WWC2: variants seen among roughly 807,000 people sequenced by gnomAD.
WWC2 encodes the protein WW and C2 domain containing 2.
In WWC2, 101 loss-of-function variants were observed where a neutral mutation model predicts 138.5. That is an observed-to-expected ratio of 0.73 (90% CI 0.62 to 0.86). WWC2 has a LOEUF of 0.86. WWC2 is among the 40% of genes least tolerant of loss of function. WWC2 has a pLI of 0.00. For missense variants in WWC2, 1,420 were observed against 1,419.4 expected (o/e 1.00, Z -0.01); for synonymous variants, 558 against 538.4 (o/e 1.04, Z -0.50).
At chr4:183,117,616 T>C (rs548840429) in intron 1 of WWC2, among the ~76,000 whole-genome samples, 1 of 151,952 alleles carries the variant, frequency 6.6e-6, no homozygotes, top group East Asian at 1.9e-4. Flanking sequence ...ACATGTAAAT[T>C]ACAAAGCTTT....
intron 21 of WWC2, among the ~76,000 whole-genome samples, chr4:183,290,892 C>G (rs1340361328): frequency 6.6e-6 from 1 of 152,156 alleles, no homozygotes; most frequent in Non-Finnish European, 1.5e-5. Flanking sequence ...TGTGAATCGT[C>G]CAGCTGACTG....
At chr4:183,153,591 T>C (rs1320473409) in intron 1 of WWC2, among the ~76,000 whole-genome samples, 1 of 151,966 alleles carries the variant, frequency 6.6e-6, no homozygotes, top group Non-Finnish European at 1.5e-5. Context: ...TGTGTTATTT[T>C]AACTAATAAT....
intron 1 of WWC2, among the ~76,000 whole-genome samples, chr4:183,186,867 G>A (rs997286229): frequency 6.6e-6 from 1 of 152,184 alleles, no homozygotes; most frequent in Admixed American, 6.5e-5. Context: ...CCAGACCTAG[G>A]ACCAACAGAG....
intron 1 of WWC2, among the ~76,000 whole-genome samples, chr4:183,130,235 G>A (rs899822137): frequency 6.6e-6 from 1 of 152,010 alleles, no homozygotes; most frequent in Non-Finnish European, 1.5e-5. Flanking sequence ...TGTATTTTTA[G>A]TAGAGACGGG....
chr4:183,284,408 G>C lies in WWC2; in HGVS notation c.3048+18G>C, dbSNP rs556892402. On this transcript the variant is annotated intron_variant, in intron 19 of 22. Transcript: ENST00000403733. ...TCTGCAGGGTAAGGTGGCAGTGCTC[G>C]TGGTGAGGCGCTGGGACTGCAGCTT... 1 of 1,606,712 alleles carries C rather than the reference G, an allele frequency of 6.2e-7. No homozygotes were observed. The highest frequency in any genetic ancestry group is 1.7e-5 in the Admixed American group (1 of 59,976).
chr4:183,125,927 G>C (rs1383967690), intron 1 of WWC2, among the ~76,000 whole-genome samples: 1 of 152,186 alleles, frequency 6.6e-6, no homozygotes, highest in Non-Finnish European at 1.5e-5. Flanking sequence ...TCCACGGCTG[G>C]ACTAGGGTGA....
chr4:183,163,892 T>G lies in WWC2; in HGVS notation c.132-29707T>G, dbSNP rs375945197. The stretch of plus-strand genomic sequence containing the variant: ...GAATCATCAAATAAGGTGGCAAGAT[T>G]AATGGGAGTGGCTAGCTTTAATGTT... On this transcript the variant is annotated intron_variant, in intron 1 of 22. Coordinates refer to ENST00000403733, the MANE Select transcript of WWC2 (RefSeq NM_024949.6). Among the ~76,000 whole-genome samples, 9 of 152,214 alleles carry G rather than the reference T, an allele frequency of 5.9e-5. No homozygotes were observed. The East Asian group carries it at 1.4e-3, about 23-fold the overall frequency.
chr4:183,289,715 C>T, intron 21 of WWC2, 80 bp downstream of exon 21: 1 of 1,545,944 alleles, frequency 6.5e-7, no homozygotes, highest in Non-Finnish European at 8.7e-7. Context: ...ACCCAACTTA[C>T]ACTTCTGTTT....
At chr4:183,182,918 G>A (rs555883560) in intron 1 of WWC2, among the ~76,000 whole-genome samples, 85 of 152,328 alleles carry the variant, frequency 5.6e-4, no homozygotes, top group African/African-American at 2.0e-3. Flanking sequence ...TCATGATGTA[G>A]TTGACGTTTT....
intron 21 of WWC2, among the ~76,000 whole-genome samples, chr4:183,295,155 A>G (rs1195665333): frequency 6.6e-6 from 1 of 152,174 alleles, no homozygotes; most frequent in Non-Finnish European, 1.5e-5. Flanking sequence ...CACACCTCCT[A>G]ATGAAATCCT....
chr4:183,203,177 C>CT lies in WWC2; in HGVS notation c.242-4761dup, dbSNP rs35722099. On this transcript the variant is annotated intron_variant, in intron 2 of 22. Transcript: ENST00000403733. Reference sequence around the variant, plus strand: ...CTCAGGACTCAAAATAATTCATTTGCTTTTTTTTTTTTTTTAAACTTTCAT... The same window carrying CT: ...CTCAGGACTCAAAATAATTCATTTGCTTTTTTTTTTTTTTTTAAACTTTCAT... 4.6e-3 allele frequency among the ~76,000 whole-genome samples: 644 copies of CT among 139,150 alleles called. 1 individual carries two copies. The highest frequency in any genetic ancestry group is 0.019 in the Middle Eastern group (5 of 268). The allele number at this position is 139,150 out of a possible 152,430, so 91.3% of individuals were successfully genotyped here.
At chr4:183,271,482 C>A (rs538096376) in intron 16 of WWC2, among the ~76,000 whole-genome samples, 1 of 152,218 alleles carries the variant, frequency 6.6e-6, no homozygotes, top group East Asian at 1.9e-4. Context: ...GCTCACACTT[C>A]CTTGTAAAAA....
rs1159537218 is a variant in WWC2 at position 183,191,393 on chromosome 4, C to T, written c.132-2206C>T. Among the ~76,000 whole-genome samples, 12 of 152,206 alleles carry T rather than the reference C, an allele frequency of 7.9e-5. No individual in the cohort carries two copies. In the East Asian group the frequency reaches 2.3e-3, roughly 29 times the overall value. ...TTTGAGATTCATTTTACTCATCTAA[C>T]ATATATTGAAGCTTACCATTTCTCG... On this transcript the variant is annotated intron_variant, in intron 1 of 22. Coordinates refer to ENST00000403733, the MANE Select transcript of WWC2 (RefSeq NM_024949.6).
At chr4:183,208,347 T>G (rs1735502233) in intron 3 of WWC2, among the ~76,000 whole-genome samples, 191 bp downstream of exon 3, 1 of 152,224 alleles carries the variant, frequency 6.6e-6, no homozygotes, top group Non-Finnish European at 1.5e-5. Flanking sequence ...AAAGAATCCC[T>G]GTTTGGGGGT....
At position 183,245,399 on chromosome 4, in the gene WWC2, T is replaced by G; in HGVS notation, c.603-17T>G. The G allele has an allele frequency of 6.6e-7, 1 of 1,510,102 alleles. No individual in the cohort carries two copies. Among genetic ancestry groups the G allele is most frequent in the Non-Finnish European group, 8.8e-7 (1 of 1,136,172 alleles). The allele number at this position is 1,510,102 out of a possible 1,614,324, so 93.5% of individuals were successfully genotyped here. A position where few individuals can be genotyped will look rare whatever the true frequency, so the allele number is the denominator to read the frequency against. On this transcript the variant is annotated splice_polypyrimidine_tract_variant and intron_variant, in intron 5 of 22. Transcript: ENST00000403733. Reference sequence around the variant, plus strand: ...ATCATTCTTTGATATTTTTTCTTTCTTTTTCTCTTTTCACAGAATTGATAA... The same window carrying G: ...ATCATTCTTTGATATTTTTTCTTTCGTTTTCTCTTTTCACAGAATTGATAA...
intron 1 of WWC2, among the ~76,000 whole-genome samples, chr4:183,113,749 A>G (rs974856123): frequency 6.6e-6 from 1 of 150,826 alleles, no homozygotes; most frequent in Non-Finnish European, 1.5e-5. Flanking sequence ...TCACTACTCT[A>G]TGGAGAAGGA....
chr4:183,125,635 A>G lies in WWC2; in HGVS notation c.131+26013A>G, dbSNP rs143673653. Among the ~76,000 whole-genome samples, 440 of 152,330 alleles carry G rather than the reference A, an allele frequency of 2.9e-3. 1 individual carries two copies. Among genetic ancestry groups the G allele is most frequent in the Non-Finnish European group, 5.0e-3 (342 of 68,030 alleles). ...TCCTGCCAGTCCCCATATAACATTA[A>G]GCCCTTTGAAAACTTTTCATACTCA... On this transcript the variant is annotated intron_variant, in intron 1 of 22. Transcript: ENST00000403733.
In WWC2 at chr4:183,280,229, G is replaced by GTTTTTTTTTTTTTT. The variant is rs869235261; in HGVS notation, c.2563-535_2563-522dup. The stretch of plus-strand genomic sequence containing the variant: ...TTACTATTTTAGCCTGATAGCAGCT[G>GTTTTTTTTTTTTTT]TTTTTTTTTTTTTTTTTTTTTTTTT... On this transcript the variant is annotated intron_variant, in intron 16 of 22. Transcript: ENST00000403733. Among the ~76,000 whole-genome samples, 383 of 65,482 alleles carry GTTTTTTTTTTTTTT rather than the reference G, an allele frequency of 5.8e-3. 4 individuals carry two copies. The highest frequency in any genetic ancestry group is 0.019 in the Middle Eastern group (1 of 52). The allele number at this position is 65,482 out of a possible 152,430, so 43.0% of individuals were successfully genotyped here. A position where few individuals can be genotyped will look rare whatever the true frequency, so the allele number is the denominator to read the frequency against.
chr4:183,279,234 C>A (rs1261400473), intron 16 of WWC2, among the ~76,000 whole-genome samples: 1 of 152,084 alleles, frequency 6.6e-6, no homozygotes, highest in Non-Finnish European at 1.5e-5. Context: ...TTGAGATAAT[C>A]ATGTGGTTTT....
Sources: gnomAD v4.1 joint callset for allele counts (sites outside exome capture counted in the v4.1 genomes callset) on GRCh38, gnomAD v4.1.1 for gene constraint, MANE v1.5 for transcripts, NCBI Gene and HGNC (gene_info 2026-07-23, HGNC 2026-07-21) for gene names.